Variants in RBPJ observed in about 807,000 individuals in gnomAD.
The protein encoded by RBPJ is recombination signal binding protein for immunoglobulin kappa J region, also known as recombining binding protein suppressor of hairless.
A neutral mutation model predicts 67.8 loss-of-function variants in RBPJ; 9 were observed. The ratio of observed to expected loss-of-function variants is 0.13; its 90% CI spans 0.08 to 0.23. The LOEUF (loss-of-function observed/expected upper bound fraction) is 0.23, where lower values mean the gene tolerates loss of function less well. RBPJ is among the 10% of genes least tolerant of loss of function. The pLI, the probability that RBPJ is intolerant of heterozygous loss-of-function variation, is 1.00. For missense variants in RBPJ, 305 were observed against 595.6 expected, an observed-to-expected ratio of 0.51 and a Z score of 5.08; for synonymous variants, 198 against 203.3, an observed-to-expected ratio of 0.97 and a Z score of 0.22.
the RBPJ span, among the ~76,000 whole-genome samples, chr4:26,144,782 A>T: frequency 4.4e-3 from 671 of 152,276 alleles, 2 homozygotes; most frequent in Middle Eastern, 0.024. Flanking sequence ...ATGCAGTTCC[A>T]TTGTATAGCC....
the RBPJ span, among the ~76,000 whole-genome samples, chr4:26,154,540 C>T: frequency 1.4e-4 from 21 of 152,294 alleles, no homozygotes; most frequent in African/African-American, 5.1e-4. Flanking sequence ...GCTATCTGAT[C>T]TTATTCAGAC....
chr4:26,392,529 ATAAT>A (rs1477658961), intron 2 of RBPJ, among the ~76,000 whole-genome samples: 1 of 152,232 alleles, frequency 6.6e-6, no homozygotes, highest in African/African-American at 2.4e-5. Context: ...GGATCTTAAA[ATAAT>A]TATATTCAAT....
chr4:26,375,843 G>A (rs1729674088), intron 1 of RBPJ, among the ~76,000 whole-genome samples: 1 of 152,174 alleles, frequency 6.6e-6, no homozygotes, highest in Non-Finnish European at 1.5e-5. Flanking sequence ...CTAGGGAGGC[G>A]TGGATTCTAG....
At chr4:26,227,296 T>C (rs1719108454) in intron 1 of RBPJ, among the ~76,000 whole-genome samples, 1 of 152,196 alleles carries the variant, frequency 6.6e-6, no homozygotes, top group South Asian at 2.1e-4. Context: ...TAAAACCTGC[T>C]GTTTAGATCC....
At chr4:26,107,081 G>T in the RBPJ span, among the ~76,000 whole-genome samples, 3 of 152,216 alleles carry the variant, frequency 2.0e-5, no homozygotes, top group African/African-American at 7.2e-5. Context: ...GACTGAGAAT[G>T]AGTTGAAAAG....
At chr4:26,129,758 G>A in the RBPJ span, among the ~76,000 whole-genome samples, 424 of 152,148 alleles carry the variant, frequency 2.8e-3, no homozygotes, top group African/African-American at 9.6e-3. Flanking sequence ...TCCCTATCTA[G>A]CCTCCAGACA....
At chr4:26,120,800 A>G in the RBPJ span, among the ~76,000 whole-genome samples, 1 of 149,290 alleles carries the variant, frequency 6.7e-6, no homozygotes, top group African/African-American at 2.5e-5. Context: ...CGTGGACAGA[A>G]TGAAGCCTGG....
At chr4:26,350,325 T>C (rs900103340) in intron 1 of RBPJ, among the ~76,000 whole-genome samples, 3 of 152,186 alleles carry the variant, frequency 2.0e-5, no homozygotes, top group Admixed American at 6.5e-5. Context: ...TTTGTGTGCT[T>C]ATTTATACAG....
At chr4:26,387,129 T>G (rs983285205) in intron 2 of RBPJ, among the ~76,000 whole-genome samples, 2 of 152,212 alleles carry the variant, frequency 1.3e-5, no homozygotes, top group African/African-American at 4.8e-5. Context: ...ATATTTCCCC[T>G]TAATGGCTCC....
At chr4:26,140,275 C>A in the RBPJ span, among the ~76,000 whole-genome samples, 1 of 152,196 alleles carries the variant, frequency 6.6e-6, no homozygotes, top group African/African-American at 2.4e-5. Context: ...CAGGCTGTGG[C>A]ACAAACCACA....
chr4:26,433,627 T>G lies in RBPJ; in HGVS notation c.*2620T>G, dbSNP rs1467578032. 6.6e-6 allele frequency: 1 copy of G among 152,210 alleles called. No individual in the cohort carries two copies. The highest frequency in any genetic ancestry group is 2.4e-5 in the African/African-American group (1 of 41,456). 9.4% of individuals were successfully genotyped at this position (152,210 alleles called of 1,614,324 possible). A position where few individuals can be genotyped will look rare whatever the true frequency, so the allele number is the denominator to read the frequency against. On this transcript the variant is annotated 3_prime_UTR_variant, in exon 11 of 11. Transcript: ENST00000355476. ...TTTCTTTTTTTGAAAAGTCCAAGAA[T>G]GTACTTATACAGGCATTTTTCCCCA...
chr4:26,192,624 C>A (rs1226936471), intron 1 of RBPJ, among the ~76,000 whole-genome samples: 1 of 152,126 alleles, frequency 6.6e-6, no homozygotes, highest in Non-Finnish European at 1.5e-5. Context: ...GATTAACATC[C>A]CACTGCTGGA....
chr4:26,295,309 A>G (rs12505980), intron 1 of RBPJ, among the ~76,000 whole-genome samples: 11,459 of 151,376 alleles, frequency 0.076, 1,337 homozygotes, highest in African/African-American at 0.25. Flanking sequence ...GGTCTTCCAC[A>G]CATGCACATA....
chr4:26,301,947 C>T (rs896876759), intron 1 of RBPJ, among the ~76,000 whole-genome samples: 1 of 152,086 alleles, frequency 6.6e-6, no homozygotes, highest in African/African-American at 2.4e-5. Flanking sequence ...TGTGCGCCAC[C>T]AGGCCCAGCT....
chr4:26,279,712 C>T (rs1721198470), intron 1 of RBPJ, among the ~76,000 whole-genome samples: 1 of 151,456 alleles, frequency 6.6e-6, no homozygotes, highest in African/African-American at 2.4e-5. Flanking sequence ...CAGGTTTTTG[C>T]ATGCCACAAT....
intron 1 of RBPJ, among the ~76,000 whole-genome samples, chr4:26,259,637 C>T (rs751033393): frequency 6.6e-6 from 1 of 152,196 alleles, no homozygotes; most frequent in Non-Finnish European, 1.5e-5. Context: ...AGTTGTGCCA[C>T]TCAGACAGTG....
intron 1 of RBPJ, among the ~76,000 whole-genome samples, chr4:26,191,857 A>G (rs1009594038): frequency 2.0e-5 from 3 of 152,226 alleles, no homozygotes; most frequent in African/African-American, 7.2e-5. Flanking sequence ...TTAAATATTT[A>G]TGGAGAATAC....
chr4:26,427,513 G>T (rs1449459216), intron 7 of RBPJ, among the ~76,000 whole-genome samples: 1 of 152,164 alleles, frequency 6.6e-6, no homozygotes, highest in Non-Finnish European at 1.5e-5. Context: ...AGAGGGCTGA[G>T]AACTCAGCTC....
At chr4:26,336,927 T>C (rs1462325708) in intron 1 of RBPJ, among the ~76,000 whole-genome samples, 2 of 152,136 alleles carry the variant, frequency 1.3e-5, no homozygotes, top group African/African-American at 4.8e-5. Context: ...AATGGTAGCG[T>C]AGTGCTTCCT....
Sources: gnomAD v4.1 joint callset for allele counts (sites outside exome capture counted in the v4.1 genomes callset) on GRCh38, gnomAD v4.1.1 for gene constraint, MANE v1.5 for transcripts, NCBI Gene and HGNC (gene_info 2026-07-23, HGNC 2026-07-21) for gene names.